ARRDC5: variants seen among roughly 807,000 people sequenced by gnomAD.
The protein encoded by ARRDC5 is arrestin domain-containing protein 5.
Under a neutral mutation model 13.3 loss-of-function variants are expected in ARRDC5, and 12 were observed. That is an observed-to-expected ratio of 0.90 (90% CI 0.58 to 1.46). ARRDC5 has a LOEUF of 1.46. ARRDC5 is among the 40% of genes most tolerant of loss of function. ARRDC5 has a pLI of 0.00. For missense variants in ARRDC5, 406 were observed against 418.7 expected (o/e 0.97, Z 0.26); for synonymous variants, 181 against 173.4 (o/e 1.04, Z -0.34).
intron 2 of ARRDC5, among the ~76,000 whole-genome samples, chr19:4,891,860 C>G (rs984618411): frequency 2.0e-5 from 3 of 149,978 alleles, no homozygotes; most frequent in African/African-American, 7.4e-5. Flanking sequence ...GAGGCTGAGG[C>G]AGGAGAATCT....
chr19:4,893,048 A>G (rs2031564549), intron 2 of ARRDC5, among the ~76,000 whole-genome samples: 1 of 148,848 alleles, frequency 6.7e-6, no homozygotes, highest in African/African-American at 2.5e-5. Flanking sequence ...GGTTGAAGTT[A>G]GCTGAGATCG....
At chr19:4,896,361 T>TTAC (rs761253103) in intron 2 of ARRDC5, among the ~76,000 whole-genome samples, 8 of 84,960 alleles carry the variant, frequency 9.4e-5, no homozygotes, top group African/African-American at 3.4e-4. Flanking sequence ...TTTTTTTTTT[T>TTAC]ACACACACAC....
the ARRDC5 span, chr19:4,909,341 C>A: frequency 1.7e-6 from 1 of 590,110 alleles, no homozygotes; most frequent in Non-Finnish European, 3.0e-6. Flanking sequence ...AGCCGTGGCC[C>A]ACTAGGCGGA....
At position 4,891,141 on chromosome 19, in the gene ARRDC5, C is replaced by A; in HGVS notation, c.892G>T (p.Val298Phe). The A allele has an allele frequency of 6.2e-7, 1 of 1,614,008 alleles. No individual in the cohort carries two copies. Among genetic ancestry groups the A allele is most frequent in the Non-Finnish European group, 8.5e-7 (1 of 1,179,888 alleles). Reference protein sequence around the residue: ...PWSLTSLKAKVPIIITSASVD... With the variant: ...PWSLTSLKAKFPIIITSASVD... ...GAGGCGCTGGTGATGATGATGGGAACTTTGGCCTTGAGGCTGGTCAGGGAC... is the reference window on the plus strand; with the variant it reads ...GAGGCGCTGGTGATGATGATGGGAAATTTGGCCTTGAGGCTGGTCAGGGAC... The change falls in exon 3 of 3, where the codon GTT becomes TTT. Residue 298 changes from valine (V) to phenylalanine (F), a missense_variant. Val to Phe is a conservative substitution (Grantham distance 50). Transcript: ENST00000650722.
chr19:4,898,747 G>A (rs892832449), intron 1 of ARRDC5, among the ~76,000 whole-genome samples: 9 of 143,652 alleles, frequency 6.3e-5, no homozygotes, highest in African/African-American at 1.3e-4. Flanking sequence ...TTGCCTCAGC[G>A]CCCCAAGTAG....
intron 1 of ARRDC5, among the ~76,000 whole-genome samples, chr19:4,901,460 CA>C (rs2031910890): frequency 6.6e-6 from 1 of 151,490 alleles, no homozygotes; most frequent in South Asian, 2.1e-4. Flanking sequence ...CTAAAAATAC[CA>C]AAAATTGCTG....
At chr19:4,895,474 C>A (rs1450657167) in intron 2 of ARRDC5, among the ~76,000 whole-genome samples, 4 of 151,024 alleles carry the variant, frequency 2.6e-5, no homozygotes, top group Non-Finnish European at 5.9e-5. Context: ...AAAAAAAATG[C>A]CAGCCCTCTG....
upstream of ARRDC5, among the ~76,000 whole-genome samples, chr19:4,905,822 T>A (rs1263058209): frequency 6.6e-6 from 1 of 152,096 alleles, no homozygotes; most frequent in Admixed American, 6.6e-5. Context: ...CGGCCAGTGT[T>A]AGTGTATTTT....
the ARRDC5 span, among the ~76,000 whole-genome samples, chr19:4,916,763 C>T: frequency 1.3e-5 from 2 of 152,196 alleles, no homozygotes; most frequent in African/African-American, 4.8e-5. Context: ...GTCGCAGAGG[C>T]GCTGAGACGG....
the ARRDC5 span, chr19:4,909,492 A>G: frequency 3.1e-6 from 2 of 654,510 alleles, no homozygotes; most frequent in Non-Finnish European, 5.5e-6. Flanking sequence ...TTTTCGCGGG[A>G]AAAAAATCAG....
chr19:4,912,856 C>T, the ARRDC5 span, among the ~76,000 whole-genome samples: 1 of 151,962 alleles, frequency 6.6e-6, no homozygotes, highest in Non-Finnish European at 1.5e-5. Flanking sequence ...GCTTCCTGGG[C>T]TCAAGCAATC....
the ARRDC5 span, among the ~76,000 whole-genome samples, chr19:4,911,388 C>G: frequency 3.3e-5 from 5 of 152,252 alleles, no homozygotes; most frequent in South Asian, 6.2e-4. Context: ...GGGCCCAGGA[C>G]CATCTGGTAG....
chr19:4,902,964 G>A, upstream of ARRDC5: 1 of 1,271,376 alleles, frequency 7.9e-7, no homozygotes, highest in South Asian at 1.3e-5. Context: ...CAGTGGCCAG[G>A]AGGGGAGGCA....
chr19:4,893,195 A>G (rs35531833), intron 2 of ARRDC5, among the ~76,000 whole-genome samples: 25,032 of 140,608 alleles, frequency 0.18, 2,746 homozygotes, highest in South Asian at 0.29. Context: ...ATAATAATAT[A>G]ACATATTATA....
rs767180337 is a variant in ARRDC5, at chr19:4,896,863, A to G, written c.267T>C (p.Ser89=). ...KTFPVEDNWL[S]AGSHTFDFHF... ...GGAAGTCAAAGGTGTGGCTGCCTGC[A>G]CTTAACCAATTATCTGAAAGCAAAA... is the stretch of plus-strand genomic sequence containing the variant. The change falls in exon 2 of 3, where the codon AGT becomes AGC. Residue 89 remains serine, a synonymous_variant. Coordinates refer to ENST00000650722, the MANE Select transcript of ARRDC5 (RefSeq NM_001080523.3). 1 of 1,613,624 alleles carries G rather than the reference A, an allele frequency of 6.2e-7. No individual in the cohort carries two copies. Among genetic ancestry groups the G allele is most frequent in the Admixed American group, 1.7e-5 (1 of 59,988 alleles).
chr19:4,896,914 AG>A (rs777671533), intron 1 of ARRDC5, 38 bp from the exon 2 acceptor site: 88 of 1,444,952 alleles, frequency 6.1e-5, no homozygotes, highest in Non-Finnish European at 7.8e-5. Context: ...AGAAGGTTCT[AG>A]AATCTTTTTT....
the ARRDC5 span, among the ~76,000 whole-genome samples, chr19:4,912,956 T>C: frequency 6.6e-6 from 1 of 151,954 alleles, no homozygotes; most frequent in African/African-American, 2.4e-5. Flanking sequence ...GATGGGGTCT[T>C]ATTATATTGC....
At chr19:4,904,910 T>C (rs1051236107), upstream of ARRDC5, among the ~76,000 whole-genome samples, 2 of 152,140 alleles carry the variant, frequency 1.3e-5, no homozygotes, top group Admixed American at 6.6e-5. Context: ...CATTGAATCA[T>C]AGGAGGGGCT....
chr19:4,904,678 T>G (rs1217959341), upstream of ARRDC5, among the ~76,000 whole-genome samples: 1 of 152,190 alleles, frequency 6.6e-6, no homozygotes, highest in East Asian at 1.9e-4. Flanking sequence ...GGGTGAGACC[T>G]TGTCTAAGTG....
Sources: gnomAD v4.1 joint callset for allele counts (sites outside exome capture counted in the v4.1 genomes callset) on GRCh38, gnomAD v4.1.1 for gene constraint, MANE v1.5 for transcripts, NCBI Gene and HGNC (gene_info 2026-07-23, HGNC 2026-07-21) for gene names.